The following RANBP2 variants were observed in gnomAD, a reference collection of about 807,000 sequenced individuals.
RANBP2 encodes the protein E3 SUMO-protein ligase RanBP2.
A neutral mutation model predicts 303.6 loss-of-function variants in RANBP2; 57 were observed. The observed-to-expected ratio is 0.19, with a 90% CI of 0.15 to 0.23. The LOEUF is 0.23. Ranked by LOEUF, RANBP2 falls within the 10% of genes least tolerant of loss-of-function variation. The pLI, the probability that RANBP2 is intolerant of heterozygous loss-of-function variation, is 1.00. For missense variants in RANBP2, 3,138 were observed against 3,780.8 expected (o/e 0.83, Z 4.46); for synonymous variants, 1,167 against 1,301.5 (o/e 0.90, Z 2.23).
the RANBP2 span, among the ~76,000 whole-genome samples, chr2:109,558,892 CT>C: frequency 3.6e-4 from 53 of 147,642 alleles, no homozygotes; most frequent in African/African-American, 6.9e-4. Context: ...GATATAAATT[CT>C]TTTTTTTTTT....
chr2:109,167,026 A>G, the RANBP2 span, among the ~76,000 whole-genome samples: 425 of 152,254 alleles, frequency 2.8e-3, 2 homozygotes, highest in African/African-American at 9.4e-3. Context: ...AACAATACAC[A>G]CCACTCATCG....
rs763237465 is a variant in RANBP2 at position 108,765,947 on chromosome 2, C to T, written c.5408C>T (p.Ala1803Val). 2.5e-6 allele frequency: 4 copies of T among 1,614,018 alleles called. No individual in the cohort carries two copies. The highest frequency in any genetic ancestry group is 1.7e-5 in the Admixed American group (1 of 59,988). ...GAGAGTTCTTCCTTAAAATGTGTGG[C>T]TTGTGATGCCTCTAAACCAACTCAT... ...QNESSSLKCV[A>V]CDASKPTHKP... is the part of the protein sequence containing the mutation. Residue 1803 changes from alanine to valine, a missense_variant, in exon 20 of 29, where the codon GCT becomes GTT. Physicochemically the swap from Ala to Val is moderately conservative, Grantham distance 64. Around this residue, in one of 20 missense-constraint regions of RANBP2, gnomAD observed 348 missense variants for 360.4 expected, o/e 0.97. Transcript: ENST00000283195.
chr2:109,517,155 G>T, the RANBP2 span, among the ~76,000 whole-genome samples: 1 of 151,728 alleles, frequency 6.6e-6, no homozygotes, highest in African/African-American at 2.4e-5. Flanking sequence ...CTTAGAAAGG[G>T]TCACCCGGAA....
the RANBP2 span, among the ~76,000 whole-genome samples, chr2:109,529,349 G>T: frequency 6.6e-6 from 1 of 152,310 alleles, no homozygotes; most frequent in East Asian, 1.9e-4. Context: ...ACAGTGTAGA[G>T]TGACCAGCGG....
the RANBP2 span, among the ~76,000 whole-genome samples, chr2:109,332,291 C>G: frequency 1.3e-5 from 2 of 152,156 alleles, no homozygotes; most frequent in African/African-American, 4.8e-5. Flanking sequence ...CACGCCAACT[C>G]TCTCCTGAGA....
At chr2:109,008,179 G>A in the RANBP2 span, among the ~76,000 whole-genome samples, 1 of 152,304 alleles carries the variant, frequency 6.6e-6, no homozygotes, top group Middle Eastern at 3.4e-3. Flanking sequence ...TGCCAAATTT[G>A]ATCCTGTGTT....
chr2:109,127,963 C>T, the RANBP2 span: 27 of 152,304 alleles, frequency 1.8e-4, no homozygotes, highest in African/African-American at 6.3e-4. Context: ...CTACTTTTTT[C>T]CTTAATAATA....
At chr2:109,632,096 A>G in the RANBP2 span, among the ~76,000 whole-genome samples, 1 of 152,168 alleles carries the variant, frequency 6.6e-6, no homozygotes, top group Non-Finnish European at 1.5e-5. Context: ...AAAGCTCTAG[A>G]ACCGGAGGCT....
At chr2:109,398,884 C>A in the RANBP2 span, 1 of 1,613,772 alleles carries the variant, frequency 6.2e-7, no homozygotes, top group Non-Finnish European at 8.5e-7. Flanking sequence ...CTCCAGCGAT[C>A]CCCGAGCCGC....
chr2:109,129,111 G>A, the RANBP2 span: 7 of 345,324 alleles, frequency 2.0e-5, no homozygotes, highest in Non-Finnish European at 3.3e-5. Context: ...GCGGAGGAGC[G>A]TGCACGCCGC....
intron 8 of RANBP2, among the ~76,000 whole-genome samples, 167 bp from the exon 9 acceptor site, chr2:108,748,753 A>G (rs1285453082): frequency 2.0e-5 from 3 of 152,040 alleles, no homozygotes; most frequent in Admixed American, 6.5e-5. Context: ...TACTCTTCTC[A>G]TTTGCTACAT....
chr2:109,236,681 G>A, the RANBP2 span, among the ~76,000 whole-genome samples: 4 of 152,218 alleles, frequency 2.6e-5, no homozygotes, highest in Admixed American at 1.3e-4. Context: ...GGTCAAGGTC[G>A]AAGAAAGGAA....
chr2:109,178,958 G>C, the RANBP2 span, among the ~76,000 whole-genome samples: 252 of 152,002 alleles, frequency 1.7e-3, no homozygotes, highest in Non-Finnish European at 2.9e-3. Flanking sequence ...TCGTGTTTGT[G>C]TGAAGGTTTT....
chr2:109,367,741 TAACA>T, the RANBP2 span, among the ~76,000 whole-genome samples: 1 of 152,258 alleles, frequency 6.6e-6, no homozygotes, highest in African/African-American at 2.4e-5. Flanking sequence ...TTCTCTAGTT[TAACA>T]AACACTGTAA....
the RANBP2 span, among the ~76,000 whole-genome samples, chr2:109,409,208 G>A: frequency 6.6e-6 from 1 of 152,116 alleles, no homozygotes; most frequent in African/African-American, 2.4e-5. Context: ...TCACTTTTTG[G>A]TTCCAGTTAT....
the RANBP2 span, among the ~76,000 whole-genome samples, chr2:109,006,396 A>G: frequency 5.3e-5 from 8 of 151,670 alleles, no homozygotes; most frequent in African/African-American, 1.5e-4. Context: ...GGGTTTCACT[A>G]TGTTGGCCAG....
At chr2:109,412,822 G>A in the RANBP2 span, among the ~76,000 whole-genome samples, 3 of 152,230 alleles carry the variant, frequency 2.0e-5, no homozygotes, top group South Asian at 6.2e-4. Flanking sequence ...TTATGGTTTG[G>A]TATGTAAGTT....
chr2:108,749,018 G>C lies in RANBP2; in HGVS notation c.1162G>C (p.Ala388Pro). Residue 388 changes from alanine to proline, a missense_variant, in exon 9 of 29, where the codon GCT becomes CCT. Physicochemically the swap from Ala to Pro is conservative, Grantham distance 27. Around this residue, in one of 20 missense-constraint regions of RANBP2, gnomAD observed 95 missense variants for 86.4 expected, o/e 1.10. Transcript: ENST00000283195. ...AAGCGGGCAGTCTGCATTATATGAT[G>C]CTCTGTTTTCTAGTCAGTCACCTAA... ...NKSGQSALYDALFSSQSPKDT... is the reference protein window; with the variant it reads ...NKSGQSALYDPLFSSQSPKDT... 1 of 1,611,874 alleles carries C rather than the reference G, an allele frequency of 6.2e-7. No homozygotes were observed. Among genetic ancestry groups the C allele is most frequent in the Admixed American group, 1.7e-5 (1 of 60,004 alleles).
the RANBP2 span, chr2:109,544,417 G>A: frequency 2.1e-6 from 3 of 1,450,766 alleles, no homozygotes; most frequent in Non-Finnish European, 2.7e-6. Flanking sequence ...TAGGATATCT[G>A]GCCATGGGAC....
Sources: gnomAD v4.1 joint callset for allele counts (sites outside exome capture counted in the v4.1 genomes callset) on GRCh38, gnomAD v4.1.1 for gene constraint, gnomAD v4.1.1 regional missense constraint, MANE v1.5 for transcripts, NCBI Gene and HGNC (gene_info 2026-07-23, HGNC 2026-07-21) for gene names.